Variants in NELL1 observed in about 807,000 individuals in gnomAD.
NELL1 encodes neural EGFL like 1.
In NELL1, 76 loss-of-function variants were observed where a neutral mutation model predicts 107.4. The ratio of observed to expected loss-of-function variants is 0.71; its 90% CI spans 0.59 to 0.86. The LOEUF (loss-of-function observed/expected upper bound fraction) is 0.86. Ranked by LOEUF, NELL1 falls within the 40% of genes least tolerant of loss-of-function variation. The pLI is 0.00. For missense variants in NELL1, 1,024 were observed against 1,005.5 expected (o/e 1.02, Z -0.25); for synonymous variants, 353 against 341.2 (o/e 1.03, Z -0.38).
At chr11:21,288,005 G>T (rs991194941) in intron 14 of NELL1, among the ~76,000 whole-genome samples, 3 of 145,056 alleles carry the variant, frequency 2.1e-5, no homozygotes, top group African/African-American at 7.7e-5. Context: ...AGGAAGAAAA[G>T]AAATAAGGGA....
intron 12 of NELL1, among the ~76,000 whole-genome samples, chr11:20,966,224 G>A (rs1851384364): frequency 6.6e-6 from 1 of 152,156 alleles, no homozygotes; most frequent in Non-Finnish European, 1.5e-5. Flanking sequence ...GCCAGCATCT[G>A]GTGAGGGCCC....
chr11:20,937,202 G>T (rs901968792), intron 9 of NELL1, among the ~76,000 whole-genome samples: 21 of 152,198 alleles, frequency 1.4e-4, no homozygotes, highest in African/African-American at 4.8e-4. Flanking sequence ...CACCCCCGCT[G>T]CCCTTCCTGG....
chr11:20,728,575 A>G (rs2133918677), intron 2 of NELL1, among the ~76,000 whole-genome samples: 1 of 147,448 alleles, frequency 6.8e-6, no homozygotes, highest in East Asian at 2.0e-4. Context: ...TCCTTTCTTC[A>G]TTGCTTATTT....
At chr11:20,797,287 G>A (rs372078606) in intron 3 of NELL1, among the ~76,000 whole-genome samples, 2 of 151,642 alleles carry the variant, frequency 1.3e-5, no homozygotes, top group African/African-American at 2.4e-5. Flanking sequence ...GTTGCTGGCC[G>A]GGCGCGGTGG....
At position 20,947,564 on chromosome 11, in the gene NELL1, G is replaced by T; in HGVS notation, c.1171+129G>T. 7.5e-6 allele frequency: 5 copies of T among 668,148 alleles called. No individual in the cohort carries two copies. In the South Asian group the frequency reaches 9.2e-5, roughly 12 times the overall value. The allele number at this position is 668,148 out of a possible 1,614,324, so 41.4% of individuals were successfully genotyped here. A position where few individuals can be genotyped will look rare whatever the true frequency, so the allele number is the denominator to read the frequency against. ...TCTGTGCGCTGCTCCTTAAAAAGTTGCATATCCTATTTACCTCTCTCAGTC... is the reference window on the plus strand; with the variant it reads ...TCTGTGCGCTGCTCCTTAAAAAGTTTCATATCCTATTTACCTCTCTCAGTC... On this transcript the variant is annotated intron_variant, in intron 11 of 19. Coordinates refer to ENST00000357134, the MANE Select transcript of NELL1 (RefSeq NM_006157.5).
chr11:21,310,404 T>G (rs1398888096), intron 14 of NELL1, among the ~76,000 whole-genome samples: 3 of 152,122 alleles, frequency 2.0e-5, no homozygotes, highest in African/African-American at 7.2e-5. Flanking sequence ...GGCTGCTATG[T>G]GTCAAGCATC....
At chr11:20,720,950 T>A (rs998781202) in intron 2 of NELL1, among the ~76,000 whole-genome samples, 2 of 152,072 alleles carry the variant, frequency 1.3e-5, no homozygotes, top group African/African-American at 2.4e-5. Flanking sequence ...ACACATCTTT[T>A]TCTCCTGGTC....
intron 2 of NELL1, among the ~76,000 whole-genome samples, chr11:20,701,886 G>T (rs1854800479): frequency 2.6e-5 from 4 of 152,282 alleles, no homozygotes; most frequent in Admixed American, 2.6e-4. Flanking sequence ...TTTGGTACCA[G>T]TACCATGCTG....
chr11:21,293,585 A>G (rs1849316293), intron 14 of NELL1, among the ~76,000 whole-genome samples: 1 of 152,228 alleles, frequency 6.6e-6, no homozygotes, highest in Non-Finnish European at 1.5e-5. Context: ...TACTGGGTAT[A>G]TACTTAAAGG....
chr11:21,140,671 T>C (rs530570901), intron 13 of NELL1, among the ~76,000 whole-genome samples: 11 of 152,294 alleles, frequency 7.2e-5, no homozygotes, highest in Non-Finnish European at 1.3e-4. Flanking sequence ...GTTTAGGTCA[T>C]ATCATAAAAA....
chr11:20,877,724 A>G (rs1275733168), intron 4 of NELL1, among the ~76,000 whole-genome samples: 1 of 152,228 alleles, frequency 6.6e-6, no homozygotes, highest in East Asian at 1.9e-4. Context: ...TTGTCCTCTC[A>G]AGCAGGTTTT....
At chr11:20,693,994 C>CT (rs1288533361) in intron 2 of NELL1, among the ~76,000 whole-genome samples, 3 of 147,852 alleles carry the variant, frequency 2.0e-5, no homozygotes, top group South Asian at 4.3e-4. Flanking sequence ...TCTTTTTATT[C>CT]TTTTTTCTCT....
chr11:21,415,227 A>G (rs969198206), intron 15 of NELL1, among the ~76,000 whole-genome samples: 12 of 152,212 alleles, frequency 7.9e-5, no homozygotes, highest in Non-Finnish European at 1.5e-4. Flanking sequence ...AGCAACTTAT[A>G]AAAGAAAGAC....
At chr11:21,074,313 C>A (rs10833452) in intron 12 of NELL1, among the ~76,000 whole-genome samples, 9,902 of 152,154 alleles carry the variant, frequency 0.065, 480 homozygotes, top group South Asian at 0.18. Flanking sequence ...GATGGACAGC[C>A]TGTTGTAATG....
intron 7 of NELL1, among the ~76,000 whole-genome samples, chr11:20,924,630 G>A (rs772845801): frequency 6.6e-6 from 1 of 152,118 alleles, no homozygotes; most frequent in African/African-American, 2.4e-5. Context: ...TCCTTAAGAA[G>A]TTCCCTTCTT....
chr11:20,846,359 T>C (rs1273392390), intron 3 of NELL1, among the ~76,000 whole-genome samples: 1 of 152,226 alleles, frequency 6.6e-6, no homozygotes, highest in African/African-American at 2.4e-5. Context: ...ATTCATTTCA[T>C]TCCTCATAGA....
In NELL1 at chr11:20,947,380, C is replaced by T. The variant is rs1160294983; in HGVS notation, c.1116C>T (p.Asn372=). 6.2e-7 allele frequency: 1 copy of T among 1,614,040 alleles called. No individual in the cohort carries two copies. The highest frequency in any genetic ancestry group is 1.1e-5 in the South Asian group (1 of 91,080). The part of the protein sequence containing the change: ...VKITEMCPPL[N]CSEKDHILPE... ...TTACAGAAATGTGTCCTCCTTTGAA[C>T]TGCTCAGAAAAGGATCACATTCTTC... The change falls in exon 11 of 20, where the codon AAC becomes AAT. Residue 372 remains asparagine, a synonymous_variant. Coordinates refer to ENST00000357134, the MANE Select transcript of NELL1 (RefSeq NM_006157.5).
At chr11:21,305,996 T>C (rs1235155635) in intron 14 of NELL1, among the ~76,000 whole-genome samples, 1 of 151,968 alleles carries the variant, frequency 6.6e-6, no homozygotes, top group African/African-American at 2.4e-5. Context: ...TATTTTTGCA[T>C]CAATTCTGTA....
intron 2 of NELL1, among the ~76,000 whole-genome samples, chr11:20,706,118 A>G (rs373830029): frequency 6.6e-6 from 1 of 152,214 alleles, no homozygotes; most frequent in Non-Finnish European, 1.5e-5. Context: ...CGATTCCTCA[A>G]GGATCTAGAA....
Sources: allele counts gnomAD v4.1 joint callset (sites outside exome capture counted in the v4.1 genomes callset), GRCh38; gene constraint gnomAD v4.1.1; transcripts MANE v1.5; gene names NCBI Gene and HGNC (gene_info 2026-07-23, HGNC 2026-07-21).